PCDHGA6: variants seen among roughly 807,000 people sequenced by gnomAD.
The protein encoded by PCDHGA6 is protocadherin gamma-A6.
PCDHGA6 carries 41 observed loss-of-function variants against 60.6 expected under a neutral mutation model. The ratio of observed to expected loss-of-function variants is 0.68; its 90% confidence interval spans 0.53 to 0.88. The LOEUF (loss-of-function observed/expected upper bound fraction) is 0.88, where lower values mean the gene tolerates loss of function less well. Ranked by LOEUF, PCDHGA6 falls within the 40% of genes least tolerant of loss-of-function variation. The pLI is 0.00. For missense variants in PCDHGA6, 1,312 were observed against 1,203.0 expected (o/e 1.09, Z -1.34); for synonymous variants, 594 against 524.4 (o/e 1.13, Z -1.81).
At position 141,476,030 on chromosome 5, in the gene PCDHGA6, G is replaced by A; in HGVS notation, c.2425-18777G>A. On this transcript the variant is annotated intron_variant, in intron 1 of 3. Coordinates refer to ENST00000517434, the MANE Select transcript of PCDHGA6 (RefSeq NM_018919.3). This position sits in a 1 kb window ranked among gnomAD's most constrained non-coding sequence, Gnocchi z 7.6. ...AAAGCCATGTCGGACTCGGCGCCCA[G>A]CGCCCAAGCGCTAACCCGCTGAAAG... 2.7e-6 allele frequency: 4 copies of A among 1,459,176 alleles called. No individual in the cohort carries two copies. The highest frequency in any genetic ancestry group is 3.6e-6 in the Non-Finnish European group (4 of 1,096,658). The allele number at this position is 1,459,176 out of a possible 1,614,324, so 90.4% of individuals were successfully genotyped here. A position where few individuals can be genotyped will look rare whatever the true frequency, so the allele number is the denominator to read the frequency against.
At position 141,477,681 on chromosome 5, in the gene PCDHGA6, T is replaced by C; in HGVS notation, c.2425-17126T>C. On this transcript the variant is annotated intron_variant, in intron 1 of 3. Coordinates refer to ENST00000517434, the MANE Select transcript of PCDHGA6 (RefSeq NM_018919.3). The surrounding 1 kb of genome is among the most constrained non-coding windows in gnomAD (Gnocchi z 4.9). The stretch of plus-strand genomic sequence containing the variant: ...CGTGACAATGGCATAGTGTCATCCT[T>C]AGTGCCCCTAGACTATGAGGATCGG... 6.2e-7 allele frequency: 1 copy of C among 1,614,180 alleles called. No individual in the cohort carries two copies. The highest frequency in any genetic ancestry group is 8.5e-7 in the Non-Finnish European group (1 of 1,180,046).
chr5:141,388,521 A>T (rs978300482), intron 1 of PCDHGA6: 2 of 1,613,722 alleles, frequency 1.2e-6, no homozygotes, highest in African/African-American at 2.7e-5. Context: ...CTTGACTTTG[A>T]CTGCCTTGGA....
chr5:141,394,100 A>G (rs370480326), intron 1 of PCDHGA6: 2 of 1,613,942 alleles, frequency 1.2e-6, no homozygotes, highest in Non-Finnish European at 1.7e-6. Context: ...ATCTAGGAAC[A>G]CCACCTCTGT....
In PCDHGA6 at chr5:141,422,662, G is replaced by A. The variant is rs771844166; in HGVS notation, c.2424+46155G>A. On this transcript the variant is annotated intron_variant, in intron 1 of 3. Transcript: ENST00000517434. Reference sequence around the variant, plus strand: ...CTCCATCTTCTCAGTGACCGCCCTCGACCCGGACAGCAAACAGAATGCCCT... The same window carrying A: ...CTCCATCTTCTCAGTGACCGCCCTCAACCCGGACAGCAAACAGAATGCCCT... 4 of 1,608,410 alleles carry A rather than the reference G, an allele frequency of 2.5e-6. No individual in the cohort carries two copies. In the South Asian group the frequency reaches 3.3e-5, roughly 13 times the overall value.
In PCDHGA6 at chr5:141,421,238, G is replaced by C. The variant is rs920128735; in HGVS notation, c.2424+44731G>C. 3.1e-6 allele frequency: 5 copies of C among 1,597,422 alleles called. No individual in the cohort carries two copies. Among genetic ancestry groups the C allele is most frequent in the African/African-American group, 2.7e-5 (2 of 74,378 alleles). ...GGCTTAGAGCCTGCCATGGCGAATC[G>C]GCTACAGCGCGGGGACCGCAGTCGG... On this transcript the variant is annotated intron_variant, in intron 1 of 3. Transcript: ENST00000517434.
chr5:141,438,344 C>A (rs1591501799), intron 1 of PCDHGA6, among the ~76,000 whole-genome samples: 1 of 151,664 alleles, frequency 6.6e-6, no homozygotes, highest in African/African-American at 2.4e-5. Flanking sequence ...ATATAAGGAT[C>A]TACTCTGTGT....
intron 1 of PCDHGA6, among the ~76,000 whole-genome samples, chr5:141,464,397 C>T (rs1352852782): frequency 1.3e-5 from 2 of 150,158 alleles, no homozygotes; most frequent in Non-Finnish European, 3.0e-5. Context: ...TAATGAAGAA[C>T]CTGAGATATA....
intron 1 of PCDHGA6, chr5:141,392,144 A>G (rs1172213450): frequency 6.6e-6 from 1 of 152,224 alleles, no homozygotes; most frequent in Admixed American, 6.5e-5. Flanking sequence ...AGTAGTTTAA[A>G]CCAAATAAAA....
chr5:141,387,788 A>G, intron 1 of PCDHGA6: 2 of 1,487,916 alleles, frequency 1.3e-6, no homozygotes, highest in Non-Finnish European at 1.8e-6. Flanking sequence ...TGGAACTGCA[A>G]CTAAAGTCCG....
At chr5:141,419,789 G>A (rs758649709) in intron 1 of PCDHGA6, 2 of 1,614,068 alleles carry the variant, frequency 1.2e-6, no homozygotes, top group South Asian at 2.2e-5. Context: ...GCGCCTGCTA[G>A]TCGCTGTAAG....
chr5:141,507,196 CCAGAT>C (rs2099859095), intron 3 of PCDHGA6: 1 of 152,374 alleles, frequency 6.6e-6, no homozygotes, highest in Non-Finnish European at 1.5e-5. Context: ...CTTTATTCTT[CCAGAT>C]CAGGGTTGCC....
At chr5:141,390,854 T>G (rs1366490028) in intron 1 of PCDHGA6, 1 of 157,616 alleles carries the variant, frequency 6.3e-6, no homozygotes, top group Non-Finnish European at 1.4e-5. Context: ...ATATGCAGTG[T>G]ACGCTGTGTG....
chr5:141,418,517 C>G, intron 1 of PCDHGA6: 1 of 1,613,918 alleles, frequency 6.2e-7, no homozygotes. Flanking sequence ...TGGTGGGGAC[C>G]CTCCCCGAAG....
chr5:141,480,241 A>C (rs895691864), intron 1 of PCDHGA6, among the ~76,000 whole-genome samples: 58 of 97,306 alleles, frequency 6.0e-4, no homozygotes, highest in African/African-American at 2.2e-3. Context: ...CTGTCTCTAC[A>C]AAAAAAAAAA....
intron 1 of PCDHGA6, chr5:141,403,605 G>A (rs2094432434): frequency 6.2e-7 from 1 of 1,613,690 alleles, no homozygotes; most frequent in Admixed American, 1.7e-5. Context: ...TCGGATGGCG[G>A]CGAGCCGCGT....
chr5:141,481,871 G>A (rs372191396), intron 1 of PCDHGA6, among the ~76,000 whole-genome samples: 73 of 144,864 alleles, frequency 5.0e-4, no homozygotes, highest in Non-Finnish European at 9.7e-4. Context: ...CCGAGATCGC[G>A]CCACTGCACT....
intron 1 of PCDHGA6, chr5:141,430,857 A>G: frequency 1.3e-6 from 2 of 1,591,432 alleles, no homozygotes; most frequent in Non-Finnish European, 1.7e-6. Flanking sequence ...CAGATACGCT[A>G]TTCAGTTCCG....
intron 1 of PCDHGA6, chr5:141,423,244 C>T: frequency 1.2e-6 from 2 of 1,613,984 alleles, no homozygotes; most frequent in Non-Finnish European, 1.7e-6. Context: ...CCCCGAAGTC[C>T]TGGCGGACCT....
In PCDHGA6 at chr5:141,491,707, G is replaced by A. The variant is rs1337506934; in HGVS notation, c.2425-3100G>A. ...GCTGCGGGAGCGGAGCCAGGTGAGG[G>A]GCTCGGCGCCGCCCCGGGCGACCCC... On this transcript the variant is annotated intron_variant, in intron 1 of 3. Transcript: ENST00000517434. The surrounding 1 kb of genome is among the most constrained non-coding windows in gnomAD (Gnocchi z 6.9). The A allele has an allele frequency of 6.2e-6, 10 of 1,610,604 alleles. No homozygotes were observed. Among genetic ancestry groups the A allele is most frequent in the Admixed American group, 1.7e-5 (1 of 59,554 alleles).
Sources: gnomAD v4.1 joint callset for allele counts (sites outside exome capture counted in the v4.1 genomes callset) on GRCh38, gnomAD v4.1.1 for gene constraint, Gnocchi (gnomAD v3.1) non-coding constraint, MANE v1.5 for transcripts, NCBI Gene and HGNC (gene_info 2026-07-23, HGNC 2026-07-21) for gene names.